LGSN: variants seen among roughly 807,000 people sequenced by gnomAD.
The protein encoded by LGSN is lengsin.
LGSN carries 21 observed loss-of-function variants against 19.5 expected under a neutral mutation model. The ratio of observed to expected loss-of-function variants is 1.07; its 90% CI spans 0.76 to 1.55. The LOEUF is 1.55. Among genes scored for constraint, LGSN ranks in the 40% most tolerant of loss-of-function variants. The pLI, the probability that LGSN is intolerant of heterozygous loss-of-function variation, is 0.00. For synonymous variants in LGSN, 257 were observed against 215.6 expected, an observed-to-expected ratio of 1.19 and a Z score of -1.68; for missense variants, 673 against 608.5, an observed-to-expected ratio of 1.11 and a Z score of -1.12.
At chr6:63,400,504 C>A in the LGSN span, among the ~76,000 whole-genome samples, 1 of 152,192 alleles carries the variant, frequency 6.6e-6, no homozygotes, top group African/African-American at 2.4e-5. Context: ...TAAATACAGT[C>A]AAGGGCTCCG....
upstream of LGSN, among the ~76,000 whole-genome samples, chr6:63,323,158 T>C (rs1438067130): frequency 6.6e-6 from 1 of 152,208 alleles, no homozygotes; most frequent in Non-Finnish European, 1.5e-5. Context: ...CCAAGGCACA[T>C]AAGGAGCTTG....
At position 63,280,250 on chromosome 6, in the gene LGSN, C is replaced by A. The variant is rs779193711; in HGVS notation, c.1301G>T (p.Ser434Ile). 1 of 1,614,230 alleles carries A rather than the reference C, an allele frequency of 6.2e-7. No homozygotes were observed. Among genetic ancestry groups the A allele is most frequent in the Non-Finnish European group, 8.5e-7 (1 of 1,180,048 alleles). ...ATCTGGACCAGCCAAGACCTCATTACTGCTATGAAGTCCATCTAAGCCGGC... is the reference window on the plus strand; with the variant it reads ...ATCTGGACCAGCCAAGACCTCATTAATGCTATGAAGTCCATCTAAGCCGGC... ...VAAGLDGLHS[S>I]NEVLAGPDES... Residue 434 changes from serine to isoleucine, a missense_variant, in exon 4 of 4, where the codon AGT (serine) becomes ATT (isoleucine). Physicochemically the swap from Ser to Ile is moderately radical, Grantham distance 142. Transcript: ENST00000370657.
At chr6:63,306,864 G>A (rs1469680542) in intron 1 of LGSN, among the ~76,000 whole-genome samples, 1 of 152,068 alleles carries the variant, frequency 6.6e-6, no homozygotes, top group Non-Finnish European at 1.5e-5. Context: ...CCAGAAATCT[G>A]GATTTTTATT....
At chr6:63,419,880 C>CA in the LGSN span, among the ~76,000 whole-genome samples, 20 of 57,336 alleles carry the variant, frequency 3.5e-4, no homozygotes, top group Admixed American at 7.7e-4. Flanking sequence ...AACTCCCTCC[C>CA]AAAAAAAAAA....
the LGSN span, among the ~76,000 whole-genome samples, chr6:63,336,073 T>G: frequency 6.6e-6 from 1 of 152,188 alleles, no homozygotes; most frequent in South Asian, 2.1e-4. Flanking sequence ...CTGGTAAGAT[T>G]GAGTGGGGGA....
the LGSN span, among the ~76,000 whole-genome samples, chr6:63,332,966 C>T: frequency 6.6e-6 from 1 of 151,944 alleles, no homozygotes; most frequent in African/African-American, 2.4e-5. Flanking sequence ...TTCATTCCTC[C>T]CGGTGGGCTC....
the LGSN span, among the ~76,000 whole-genome samples, chr6:63,556,238 C>G: frequency 1.3e-5 from 2 of 151,942 alleles, no homozygotes; most frequent in African/African-American, 4.8e-5. Context: ...CAGCTCACTG[C>G]AGCTCTTCCT....
chr6:63,548,341 G>T, the LGSN span, among the ~76,000 whole-genome samples: 1 of 152,170 alleles, frequency 6.6e-6, no homozygotes, highest in Non-Finnish European at 1.5e-5. Context: ...TCTACCTCAT[G>T]GGTTTGTTGT....
the LGSN span, among the ~76,000 whole-genome samples, chr6:63,486,791 TC>T: frequency 1.4e-5 from 2 of 147,672 alleles, no homozygotes; most frequent in Admixed American, 1.4e-4. Context: ...GCTCCGGTGA[TC>T]CCCCCACCTC....
At chr6:63,477,012 G>A in the LGSN span, among the ~76,000 whole-genome samples, 4 of 152,156 alleles carry the variant, frequency 2.6e-5, no homozygotes, top group Non-Finnish European at 2.9e-5. Flanking sequence ...TAGTAGTCAA[G>A]CCTAGACAGA....
chr6:63,285,473 A>G, intron 3 of LGSN, 114 bp downstream of exon 3: 1 of 833,300 alleles, frequency 1.2e-6, no homozygotes, highest in Non-Finnish European at 1.8e-6. Flanking sequence ...TAAGTTATTG[A>G]TTTTCAGCTT....
the LGSN span, among the ~76,000 whole-genome samples, chr6:63,464,298 A>G: frequency 6.6e-6 from 1 of 152,160 alleles, no homozygotes; most frequent in Admixed American, 6.5e-5. Context: ...TGAGAATTAG[A>G]TGACCTATTG....
chr6:63,484,255 C>A, the LGSN span, among the ~76,000 whole-genome samples: 1 of 152,326 alleles, frequency 6.6e-6, no homozygotes, highest in East Asian at 1.9e-4. Context: ...GTAATCCCAG[C>A]ACTTTAGGAG....
the LGSN span, among the ~76,000 whole-genome samples, chr6:63,408,147 C>A: frequency 2.6e-5 from 4 of 152,138 alleles, no homozygotes; most frequent in African/African-American, 7.2e-5. Flanking sequence ...TCAAGCTACC[C>A]ATGACTTTCT....
chr6:63,549,301 G>T, the LGSN span: 1 of 753,972 alleles, frequency 1.3e-6, no homozygotes, highest in South Asian at 1.4e-5. Flanking sequence ...CACTTACAGA[G>T]GATGGCTCTC....
At chr6:63,510,438 G>C in the LGSN span, among the ~76,000 whole-genome samples, 1 of 147,598 alleles carries the variant, frequency 6.8e-6, no homozygotes, top group Non-Finnish European at 1.5e-5. Flanking sequence ...TCTTTCTATG[G>C]TTTGACTACC....
the LGSN span, among the ~76,000 whole-genome samples, chr6:63,558,512 G>A: frequency 6.6e-6 from 1 of 152,174 alleles, no homozygotes; most frequent in African/African-American, 2.4e-5. Flanking sequence ...TTCAGTCATT[G>A]TCTCATGATA....
the LGSN span, among the ~76,000 whole-genome samples, chr6:63,471,140 T>C: frequency 6.6e-6 from 1 of 151,384 alleles, no homozygotes; most frequent in African/African-American, 2.4e-5. Context: ...GGTTGTTTTT[T>C]TTTGTTTGTT....
rs1036611235 is a variant in LGSN, at chr6:63,277,142, A to G, written c.*2879T>C. On this transcript the variant is annotated 3_prime_UTR_variant, in exon 4 of 4. Transcript: ENST00000370657. ...AATTCCTTCACATGGCATCCTGAGT[A>G]CTGTGTTTTTAAGTTATGCTAATAA... 14 of 152,216 alleles carry G rather than the reference A, an allele frequency of 9.2e-5. No individual in the cohort carries two copies. The highest frequency in any genetic ancestry group is 3.1e-4 in the African/African-American group (13 of 41,458). The allele number at this position is 152,216 out of a possible 1,614,324, so 9.4% of individuals were successfully genotyped here.
Sources: allele counts gnomAD v4.1 joint callset (sites outside exome capture counted in the v4.1 genomes callset), GRCh38; gene constraint gnomAD v4.1.1; transcripts MANE v1.5; gene names NCBI Gene and HGNC (gene_info 2026-07-23, HGNC 2026-07-21).